Variants in INSC observed in about 807,000 individuals in gnomAD.
The protein encoded by INSC is INSC spindle orientation adaptor protein.
A neutral mutation model predicts 58.6 loss-of-function variants in INSC; 67 were observed. That is an observed-to-expected ratio of 1.14 (90% CI 0.94 to 1.40). INSC has a LOEUF of 1.40. INSC is among the 40% of genes most tolerant of loss of function. INSC has a pLI of 0.00. For missense variants in INSC, 714 were observed against 692.0 expected, an observed-to-expected ratio of 1.03 and a Z score of -0.36; for synonymous variants, 262 against 276.1, an observed-to-expected ratio of 0.95 and a Z score of 0.51.
intron 2 of INSC, among the ~76,000 whole-genome samples, chr11:15,174,520 C>T (rs538926724): frequency 3.3e-5 from 5 of 152,162 alleles, no homozygotes; most frequent in Non-Finnish European, 5.9e-5. Flanking sequence ...CAATACTTGA[C>T]ATGTTGTAGG....
chr11:15,234,785 C>T (rs1852057959), intron 9 of INSC, among the ~76,000 whole-genome samples: 1 of 152,142 alleles, frequency 6.6e-6, no homozygotes, highest in African/African-American at 2.4e-5. Context: ...CAATCTATTC[C>T]AGTAGCATTT....
chr11:15,166,169 T>C (rs1189553557), intron 2 of INSC, among the ~76,000 whole-genome samples: 1 of 152,148 alleles, frequency 6.6e-6, no homozygotes, highest in Non-Finnish European at 1.5e-5. Flanking sequence ...GTTCCTGGTG[T>C]CATGTGGGGA....
At chr11:15,230,532 A>C (rs1211192402) in intron 9 of INSC, among the ~76,000 whole-genome samples, 1 of 152,186 alleles carries the variant, frequency 6.6e-6, no homozygotes, top group Non-Finnish European at 1.5e-5. Context: ...CTCCACCTCT[A>C]ACATAGGGGA....
At chr11:15,144,459 T>C (rs1176155169) in intron 1 of INSC, among the ~76,000 whole-genome samples, 1 of 152,226 alleles carries the variant, frequency 6.6e-6, no homozygotes, top group African/African-American at 2.4e-5. Context: ...GCTCTTGCAC[T>C]TTCTGAAGTC....
At chr11:15,261,863 G>A in the INSC span, among the ~76,000 whole-genome samples, 3 of 152,140 alleles carry the variant, frequency 2.0e-5, no homozygotes, top group Non-Finnish European at 4.4e-5. Context: ...ATACTTTTGT[G>A]CAGGTGTGAG....
In INSC at chr11:15,243,100, A is replaced by G. The variant is rs192617995; in HGVS notation, c.1470+2577A>G. On this transcript the variant is annotated intron_variant, in intron 12 of 12. Transcript: ENST00000379556. ...GGGACCTTGAGTTTGGTGACTATGT[A>G]TTAATTGATTTGGGGACTGACAGAC... Among the ~76,000 whole-genome samples, 39 of 152,262 alleles carry G rather than the reference A, an allele frequency of 2.6e-4. No individual in the cohort carries two copies. In the East Asian group the frequency reaches 6.6e-3, roughly 26 times the overall value.
At chr11:15,259,441 A>G in the INSC span, among the ~76,000 whole-genome samples, 1 of 152,218 alleles carries the variant, frequency 6.6e-6, no homozygotes, top group Non-Finnish European at 1.5e-5. Context: ...CCAAAAAGGA[A>G]CTATTATGAC....
intron 1 of INSC, among the ~76,000 whole-genome samples, chr11:15,126,608 A>G (rs1461860204): frequency 6.6e-6 from 1 of 152,246 alleles, no homozygotes; most frequent in Non-Finnish European, 1.5e-5. Context: ...TGTCTAAGGC[A>G]CTATAGAACA....
chr11:15,198,619 A>C (rs1850459333), intron 6 of INSC, among the ~76,000 whole-genome samples: 1 of 152,288 alleles, frequency 6.6e-6, no homozygotes, highest in East Asian at 1.9e-4. Flanking sequence ...AATAATATTT[A>C]TACAATATGT....
chr11:15,264,403 C>A, the INSC span, among the ~76,000 whole-genome samples: 2 of 145,484 alleles, frequency 1.4e-5, no homozygotes, highest in Non-Finnish European at 3.0e-5. Flanking sequence ...CCTGGATACT[C>A]CAAGGTACTC....
At chr11:15,162,636 T>A (rs1417324105) in intron 2 of INSC, among the ~76,000 whole-genome samples, 2 of 152,224 alleles carry the variant, frequency 1.3e-5, no homozygotes, top group Non-Finnish European at 2.9e-5. Flanking sequence ...GGGGCTGGAA[T>A]GTTCGTTCGT....
At chr11:15,134,039 T>C (rs1848184388) in intron 1 of INSC, among the ~76,000 whole-genome samples, 1 of 152,120 alleles carries the variant, frequency 6.6e-6, no homozygotes, top group Non-Finnish European at 1.5e-5. Flanking sequence ...TTCATCCTCA[T>C]CCAGCATGTT....
upstream of INSC, among the ~76,000 whole-genome samples, chr11:15,112,723 C>T (rs1032101684): frequency 2.0e-5 from 3 of 151,506 alleles, no homozygotes; most frequent in Non-Finnish European, 2.9e-5. Flanking sequence ...TACCCTGAAA[C>T]CCAGACACAG....
At chr11:15,152,778 A>G (rs565204377) in intron 2 of INSC, among the ~76,000 whole-genome samples, 55 of 152,328 alleles carry the variant, frequency 3.6e-4, no homozygotes, top group Admixed American at 1.1e-3. Flanking sequence ...CTGTTGGCTA[A>G]TGATACTCCC....
intron 7 of INSC, among the ~76,000 whole-genome samples, chr11:15,202,184 T>C (rs1453819174): frequency 1.3e-5 from 2 of 151,776 alleles, no homozygotes; most frequent in African/African-American, 4.8e-5. Flanking sequence ...TTGGACAGAG[T>C]GCCCGCTTCC....
At position 15,197,767 on chromosome 11, in the gene INSC, A is replaced by G. The variant is rs571046560; in HGVS notation, c.694-3057A>G. Among the ~76,000 whole-genome samples the G allele has an allele frequency of 5.9e-5, 9 of 152,168 alleles. No individual in the cohort carries two copies. The South Asian group carries it at 1.2e-3, about 21-fold the overall frequency. On this transcript the variant is annotated intron_variant, in intron 6 of 12. Transcript: ENST00000379556. ...CAGAAAAGTCCTCTGGGCTTCATCA[A>G]AATTATCCCCCCCACCAATAACTCC...
In INSC at chr11:15,178,703, T is replaced by C. The variant is rs185735422; in HGVS notation, c.579+256T>C. On this transcript the variant is annotated intron_variant, in intron 5 of 12. Transcript: ENST00000379556. ...GGAGCCCAGAGTGGGGAGAAACTTA[T>C]CCAAGGTCACACAGCAAGATGGTGG... Among the ~76,000 whole-genome samples, 19 of 152,238 alleles carry C rather than the reference T, an allele frequency of 1.2e-4. No homozygotes were observed. The East Asian group carries it at 3.3e-3, about 26-fold the overall frequency.
chr11:15,162,462 A>G (rs746575591), intron 2 of INSC, among the ~76,000 whole-genome samples: 2 of 152,234 alleles, frequency 1.3e-5, no homozygotes, highest in Admixed American at 6.5e-5. Context: ...CCACTTATTT[A>G]AAATGAAAAT....
downstream of INSC, chr11:15,247,330 T>C (rs1852597404): frequency 6.6e-6 from 1 of 152,166 alleles, no homozygotes; most frequent in Admixed American, 6.5e-5. Flanking sequence ...ATATATGTTA[T>C]TACATATGAT....
Sources: allele counts gnomAD v4.1 joint callset (sites outside exome capture counted in the v4.1 genomes callset), GRCh38; gene constraint gnomAD v4.1.1; transcripts MANE v1.5; gene names NCBI Gene and HGNC (gene_info 2026-07-23, HGNC 2026-07-21).